Variants in CSMD1 observed in about 807,000 individuals in gnomAD.
CSMD1 encodes CUB and Sushi multiple domains 1.
CSMD1 carries 213 observed loss-of-function variants against 417.5 expected under a neutral mutation model. The ratio of observed to expected loss-of-function variants is 0.51; its 90% confidence interval spans 0.46 to 0.57. The LOEUF is 0.57. Among genes scored for constraint, CSMD1 ranks in the 20% least tolerant of loss-of-function variants. The probability of loss-of-function intolerance (pLI) is 0.00; values close to 1 mark genes in which losing one functional copy is unlikely to be tolerated. For missense variants in CSMD1, 6,923 were observed against 4,529.7 expected (o/e 1.53, Z -15.17); for synonymous variants, 2,862 against 1,736.8 (o/e 1.65, Z -16.11).
At chr8:3,781,873 T>G (rs973733223) in intron 5 of CSMD1, among the ~76,000 whole-genome samples, 1 of 151,874 alleles carries the variant, frequency 6.6e-6, no homozygotes, top group African/African-American at 2.4e-5. Context: ...TTTCCCGCTA[T>G]TTTTTTTCAC....
At chr8:3,251,535 T>C (rs1255429298) in intron 26 of CSMD1, among the ~76,000 whole-genome samples, 3 of 152,184 alleles carry the variant, frequency 2.0e-5, no homozygotes, top group Non-Finnish European at 4.4e-5. Context: ...TAGGATTGAC[T>C]TGGCGATGCG....
intron 3 of CSMD1, among the ~76,000 whole-genome samples, chr8:4,322,252 A>G (rs1280229384): frequency 1.3e-5 from 2 of 152,182 alleles, no homozygotes; most frequent in African/African-American, 4.8e-5. Context: ...AACATACTGT[A>G]TTTAAAATAG....
intron 31 of CSMD1, among the ~76,000 whole-genome samples, chr8:3,203,252 C>T (rs548022214): frequency 3.3e-4 from 51 of 152,268 alleles, no homozygotes; most frequent in African/African-American, 1.2e-3. Context: ...GCCAGAATGC[C>T]CAGCTCATTC....
chr8:3,984,324 G>A (rs1035550514), intron 5 of CSMD1, among the ~76,000 whole-genome samples: 3 of 152,102 alleles, frequency 2.0e-5, no homozygotes, highest in East Asian at 1.9e-4. Flanking sequence ...GCCAAATTTC[G>A]ATCCACTGCC....
At chr8:3,336,810 G>T (rs1290877065) in intron 23 of CSMD1, among the ~76,000 whole-genome samples, 1 of 152,112 alleles carries the variant, frequency 6.6e-6, no homozygotes, top group African/African-American at 2.4e-5. Context: ...TTCCAGGACA[G>T]GCACAGCTCC....
At chr8:4,089,500 A>G (rs1041920903) in intron 3 of CSMD1, among the ~76,000 whole-genome samples, 2 of 152,184 alleles carry the variant, frequency 1.3e-5, no homozygotes, top group African/African-American at 4.8e-5. Flanking sequence ...AAAAAGTGAC[A>G]CATTCCATAT....
At chr8:3,757,508 G>C (rs989759342) in intron 5 of CSMD1, among the ~76,000 whole-genome samples, 1 of 152,132 alleles carries the variant, frequency 6.6e-6, no homozygotes, top group Admixed American at 6.5e-5. Context: ...CTTAGCTGAT[G>C]GGCCAGATTT....
intron 1 of CSMD1, among the ~76,000 whole-genome samples, chr8:4,983,188 T>C (rs1271204092): frequency 6.6e-6 from 1 of 152,214 alleles, no homozygotes; most frequent in African/African-American, 2.4e-5. Context: ...AAGCTAATTA[T>C]GTTGACAAGT....
At chr8:4,759,008 T>A (rs1811851995) in intron 1 of CSMD1, among the ~76,000 whole-genome samples, 1 of 97,510 alleles carries the variant, frequency 1.0e-5, no homozygotes, top group African/African-American at 5.9e-5. Flanking sequence ...ATGTCTTAAA[T>A]AAGGTTCCCC....
At chr8:3,277,106 C>CTG (rs1345528649) in intron 26 of CSMD1, among the ~76,000 whole-genome samples, 4 of 152,164 alleles carry the variant, frequency 2.6e-5, no homozygotes, top group Non-Finnish European at 4.4e-5. Context: ...CACATCCAAG[C>CTG]TGAGAGAGGC....
chr8:3,478,343 G>A (rs948561577), intron 11 of CSMD1, among the ~76,000 whole-genome samples: 1 of 152,224 alleles, frequency 6.6e-6, no homozygotes, highest in African/African-American at 2.4e-5. Flanking sequence ...AGCCCAACGT[G>A]ATGCTACTTT....
At chr8:4,220,152 T>G (rs1800939976) in intron 3 of CSMD1, among the ~76,000 whole-genome samples, 1 of 152,108 alleles carries the variant, frequency 6.6e-6, no homozygotes, top group Admixed American at 6.5e-5. Flanking sequence ...GGTTTTGCCA[T>G]GTCGGCCAAG....
chr8:3,741,355 G>C (rs955056549), intron 6 of CSMD1, among the ~76,000 whole-genome samples: 1 of 152,084 alleles, frequency 6.6e-6, no homozygotes, highest in Non-Finnish European at 1.5e-5. Context: ...TTGACAGTGA[G>C]AGGGGAGACC....
chr8:3,650,120 A>T (rs865835013), intron 7 of CSMD1, among the ~76,000 whole-genome samples: 4 of 152,018 alleles, frequency 2.6e-5, no homozygotes, highest in Non-Finnish European at 4.4e-5. Context: ...CTCTACTAAA[A>T]ATACAAAACT....
intron 7 of CSMD1, among the ~76,000 whole-genome samples, chr8:3,632,352 C>G (rs757216761): frequency 2.6e-5 from 4 of 152,124 alleles, no homozygotes; most frequent in East Asian, 1.9e-4. Flanking sequence ...TGACACCCCC[C>G]CATCCCCACT....
At chr8:4,329,655 T>C (rs779250041) in intron 3 of CSMD1, among the ~76,000 whole-genome samples, 16 of 152,134 alleles carry the variant, frequency 1.1e-4, no homozygotes, top group African/African-American at 3.6e-4. Flanking sequence ...ATCGTTTGGA[T>C]CTGTATCCCC....
intron 46 of CSMD1, among the ~76,000 whole-genome samples, chr8:3,106,033 A>G (rs1816112149): frequency 6.6e-6 from 1 of 152,210 alleles, no homozygotes; most frequent in African/African-American, 2.4e-5. Context: ...GATAAAAGAA[A>G]AAGCATCATT....
At chr8:3,499,013 G>A (rs2084315) in intron 10 of CSMD1, among the ~76,000 whole-genome samples, 2 of 152,090 alleles carry the variant, frequency 1.3e-5, no homozygotes, top group East Asian at 3.8e-4. Flanking sequence ...TTGGGATATG[G>A]AATTAGAAAA....
chr8:4,608,608 G>A (rs1419945923), intron 2 of CSMD1, among the ~76,000 whole-genome samples: 1 of 152,174 alleles, frequency 6.6e-6, no homozygotes, highest in Non-Finnish European at 1.5e-5. Flanking sequence ...TACTACAAAT[G>A]CGTCATTTTC....
Sources: allele counts gnomAD v4.1 joint callset (sites outside exome capture counted in the v4.1 genomes callset), GRCh38; gene constraint gnomAD v4.1.1; transcripts MANE v1.5; gene names NCBI Gene and HGNC (gene_info 2026-07-23, HGNC 2026-07-21).